The following IL1R1 variants were observed in gnomAD, a reference collection of about 807,000 sequenced individuals.
IL1R1 encodes the protein interleukin 1 receptor type 1, also known as interleukin-1 receptor type 1.
A neutral mutation model predicts 50.2 loss-of-function variants in IL1R1; 22 were observed. The ratio of observed to expected loss-of-function variants is 0.44; its 90% CI spans 0.31 to 0.63. The LOEUF (loss-of-function observed/expected upper bound fraction) is 0.63, where lower values mean the gene tolerates loss of function less well. Among genes scored for constraint, IL1R1 ranks in the 20% least tolerant of loss-of-function variants. The pLI, the probability that IL1R1 is intolerant of heterozygous loss-of-function variation, is 0.07. For synonymous variants in IL1R1, 251 were observed against 236.7 expected (o/e 1.06, Z -0.55); for missense variants, 509 against 676.2 (o/e 0.75, Z 2.74).
chr2:102,092,459 C>CA (rs1409925144), intron 1 of IL1R1, among the ~76,000 whole-genome samples: 4 of 152,030 alleles, frequency 2.6e-5, no homozygotes, highest in African/African-American at 9.7e-5. Context: ...TAAATCCTCC[C>CA]AGGAAGCAGA....
intron 1 of IL1R1, among the ~76,000 whole-genome samples, chr2:102,123,910 G>A (rs1217742095): frequency 6.6e-6 from 1 of 152,166 alleles, no homozygotes; most frequent in Non-Finnish European, 1.5e-5. Flanking sequence ...ACTTGGCAGA[G>A]ATTAGGAAGG....
upstream of IL1R1, among the ~76,000 whole-genome samples, chr2:102,102,577 A>G (rs754145654): frequency 6.6e-6 from 1 of 152,222 alleles, no homozygotes; most frequent in African/African-American, 2.4e-5. Flanking sequence ...AAATTAGTTC[A>G]GCCACTATGA....
intron 1 of IL1R1, among the ~76,000 whole-genome samples, chr2:102,071,162 T>TTA (rs913757126): frequency 6.6e-6 from 1 of 152,136 alleles, no homozygotes; most frequent in Non-Finnish European, 1.5e-5. Context: ...ATTTGTATAC[T>TTA]TATATATATA....
At chr2:102,107,069 A>G (rs1280129156) in intron 1 of IL1R1, among the ~76,000 whole-genome samples, 1 of 152,178 alleles carries the variant, frequency 6.6e-6, no homozygotes, top group African/African-American at 2.4e-5. Context: ...CCCTGCTGCT[A>G]AATTAATCCT....
intron 1 of IL1R1, among the ~76,000 whole-genome samples, chr2:102,080,914 G>A (rs761492491): frequency 2.0e-5 from 3 of 152,190 alleles, no homozygotes; most frequent in Non-Finnish European, 4.4e-5. Context: ...GTACAACATA[G>A]AGGAACCTTG....
At chr2:102,078,111 A>C (rs1026554998) in intron 1 of IL1R1, among the ~76,000 whole-genome samples, 4 of 152,104 alleles carry the variant, frequency 2.6e-5, no homozygotes, top group African/African-American at 9.6e-5. Context: ...TGAGTATATT[A>C]CAAAAAAGGA....
chr2:102,113,184 T>C (rs1007949271), intron 1 of IL1R1, among the ~76,000 whole-genome samples: 1 of 152,246 alleles, frequency 6.6e-6, no homozygotes. Context: ...CTTTAAAGAC[T>C]TTCAGTAAGG....
At chr2:102,139,957 T>C (rs530289436), upstream of IL1R1, among the ~76,000 whole-genome samples, 1 of 152,178 alleles carries the variant, frequency 6.6e-6, no homozygotes, top group Non-Finnish European at 1.5e-5. Flanking sequence ...TGCTGAAGAG[T>C]GGAAGCTCTG....
intron 1 of IL1R1, among the ~76,000 whole-genome samples, chr2:102,116,035 T>C (rs1681052524): frequency 6.6e-6 from 1 of 152,208 alleles, no homozygotes; most frequent in African/African-American, 2.4e-5. Context: ...ATCTGGATTA[T>C]TTAGAAGGAA....
At chr2:102,101,518 G>A (rs1027849538), upstream of IL1R1, among the ~76,000 whole-genome samples, 6 of 152,138 alleles carry the variant, frequency 3.9e-5, no homozygotes, top group Non-Finnish European at 5.9e-5. Context: ...ACATGCTCAT[G>A]CACACACATG....
In IL1R1 at chr2:102,115,736, A is replaced by G. The variant is rs146955468; in HGVS notation, c.-84+10864A>G. Among the ~76,000 whole-genome samples, 118 of 152,212 alleles carry G rather than the reference A, an allele frequency of 7.8e-4. 1 individual carries two copies. The highest frequency in any genetic ancestry group is 2.6e-3 in the African/African-American group (107 of 41,526). On this transcript the variant is annotated intron_variant, in intron 1 of 10. Transcript: ENST00000409329. ...AAGAAGAAGACTTGAGCTGGAGGAG[A>G]AAGAAGGGTTGTATTCTGGGTAGAG...
intron 1 of IL1R1, among the ~76,000 whole-genome samples, chr2:102,135,302 G>A (rs1682284467): frequency 6.6e-6 from 1 of 152,124 alleles, no homozygotes; most frequent in African/African-American, 2.4e-5. Flanking sequence ...GTTCTTTGTA[G>A]CTGACTGCTT....
chr2:102,071,455 A>G (rs913704663), intron 1 of IL1R1, among the ~76,000 whole-genome samples: 3 of 152,202 alleles, frequency 2.0e-5, no homozygotes, highest in African/African-American at 4.8e-5. Flanking sequence ...AATCACTTGC[A>G]TGGCATTTTA....
intron 3 of IL1R1, among the ~76,000 whole-genome samples, chr2:102,164,228 G>A (rs1684971875): frequency 6.6e-6 from 1 of 152,060 alleles, no homozygotes; most frequent in African/African-American, 2.4e-5. Context: ...TGGGTACTCT[G>A]CCCTGCAAAC....
intron 1 of IL1R1, among the ~76,000 whole-genome samples, chr2:102,119,762 C>T (rs1380707954): frequency 6.6e-6 from 1 of 152,196 alleles, no homozygotes; most frequent in Non-Finnish European, 1.5e-5. Context: ...ATCAAGCTAA[C>T]ACATTCATCA....
intron 6 of IL1R1, 45 bp from the exon 7 acceptor site, chr2:102,168,553 T>A: frequency 7.5e-6 from 11 of 1,465,808 alleles, no homozygotes; most frequent in Non-Finnish European, 1.1e-5. Flanking sequence ...CTTGAGATTC[T>A]GATCTATAAG....
intron 5 of IL1R1, among the ~76,000 whole-genome samples, 195 bp from the exon 6 acceptor site, chr2:102,165,918 A>T (rs1435422227): frequency 6.6e-6 from 1 of 152,210 alleles, no homozygotes; most frequent in African/African-American, 2.4e-5. Flanking sequence ...TAGACTTGAA[A>T]ACTTAATGTC....
At chr2:102,078,909 T>C (rs943091411) in intron 1 of IL1R1, among the ~76,000 whole-genome samples, 3 of 152,134 alleles carry the variant, frequency 2.0e-5, no homozygotes, top group Admixed American at 2.0e-4. Flanking sequence ...GTGGGATTTA[T>C]CCTAAGAATG....
At chr2:102,119,827 C>G (rs1009126628) in intron 1 of IL1R1, among the ~76,000 whole-genome samples, 1 of 152,206 alleles carries the variant, frequency 6.6e-6, no homozygotes, top group African/African-American at 2.4e-5. Context: ...AAAATCAACT[C>G]TCTTAGCAAA....
Sources: allele counts gnomAD v4.1 joint callset (sites outside exome capture counted in the v4.1 genomes callset), GRCh38; gene constraint gnomAD v4.1.1; transcripts MANE v1.5; gene names NCBI Gene and HGNC (gene_info 2026-07-23, HGNC 2026-07-21).